DOP1A: variants seen among roughly 807,000 people sequenced by gnomAD.
The protein encoded by DOP1A is protein DOP1A.
DOP1A carries 90 observed loss-of-function variants against 267.6 expected under a neutral mutation model. That is an observed-to-expected ratio of 0.34 (90% CI 0.28 to 0.40). The LOEUF is 0.40. DOP1A is among the 10% of genes least tolerant of loss of function. DOP1A has a pLI of 1.00. For missense variants in DOP1A, 2,437 were observed against 2,900.4 expected (o/e 0.84, Z 3.67); for synonymous variants, 932 against 999.1 (o/e 0.93, Z 1.27).
rs375249943 is a variant in DOP1A, at chr6:83,162,924, C to A, written c.7092+5C>A. The A allele has an allele frequency of 9.9e-6, 16 of 1,608,762 alleles. No homozygotes were observed. The highest frequency in any genetic ancestry group is 8.4e-5 in the Admixed American group (5 of 59,396). On this transcript the variant is annotated splice_donor_5th_base_variant and intron_variant, in intron 38 of 38. Coordinates refer to ENST00000349129, the MANE Select transcript of DOP1A (RefSeq NM_015018.4). ...CTTCTTCGGAAAAGAGCAAAGGTAT[C>A]GCATTCTTTTGTGATTGTTTTGTTT...
rs1409886569 is a variant in DOP1A at position 83,155,806 on chromosome 6, G to A, written c.6452-145G>A. 27 of 882,570 alleles carry A rather than the reference G, an allele frequency of 3.1e-5. No homozygotes were observed. In the East Asian group the frequency reaches 4.7e-4, roughly 15 times the overall value. 54.7% of individuals were successfully genotyped at this position (882,570 alleles called of 1,614,324 possible). A position where few individuals can be genotyped will look rare whatever the true frequency, so the allele number is the denominator to read the frequency against. ...ATACGTTGGATCTGTTTGCCAGCCT[G>A]TCTGCCCCAGAGAGGGGCATCAAGT... On this transcript the variant is annotated intron_variant, in intron 33 of 38. Transcript: ENST00000349129.
At chr6:83,166,093 G>T in intron 38 of DOP1A, 1 of 367,988 alleles carries the variant, frequency 2.7e-6, no homozygotes, top group Non-Finnish European at 4.9e-6. Flanking sequence ...ATAGAGAAAT[G>T]ATTCATTATT....
chr6:83,093,093 T>C (rs1226872992), intron 1 of DOP1A, among the ~76,000 whole-genome samples: 2 of 152,166 alleles, frequency 1.3e-5, no homozygotes, highest in Admixed American at 1.3e-4. Flanking sequence ...GCATCAAATA[T>C]CAAGTTTTAA....
Position 83,145,610 on chromosome 6 carries a change from G to C in DOP1A, c.5628G>C (p.Gln1876His). The C allele has an allele frequency of 6.2e-7, 1 of 1,613,568 alleles. No homozygotes were observed. Among genetic ancestry groups the C allele is most frequent in the Non-Finnish European group, 8.5e-7 (1 of 1,179,748 alleles). The change falls in exon 25 of 39, where the codon CAG (glutamine) becomes CAC (histidine). Residue 1876 changes from glutamine (Q) to histidine (H), a missense_variant. Gln to His is a conservative substitution (Grantham distance 24). Around this residue, in one of 9 missense-constraint regions of DOP1A, gnomAD observed 307 missense variants for 308.6 expected, o/e 0.99. Transcript: ENST00000349129. Reference sequence around the variant, plus strand: ...TCATGAGAGCAGAAACTGTTATCCAGACTGTAAAAGAAGTTTTAAAGCAGC... The same window carrying C: ...TCATGAGAGCAGAAACTGTTATCCACACTGTAAAAGAAGTTTTAAAGCAGC... ...ISVMRAETVIQTVKEVLKQPP... is the reference protein window; with the variant it reads ...ISVMRAETVIHTVKEVLKQPP...
At chr6:83,114,577 T>G (rs1775097854) in intron 7 of DOP1A, among the ~76,000 whole-genome samples, 1 of 152,222 alleles carries the variant, frequency 6.6e-6, no homozygotes, top group South Asian at 2.1e-4. Context: ...CTCTTGAACT[T>G]TTCCCATTGC....
chr6:83,081,807 A>G (rs1768123389), intron 1 of DOP1A, among the ~76,000 whole-genome samples: 2 of 152,238 alleles, frequency 1.3e-5, no homozygotes, highest in Admixed American at 1.3e-4. Context: ...ATAAGGGGTT[A>G]ATATCTAAAA....
At chr6:83,132,585 GAC>G (rs1182321516) in intron 18 of DOP1A, among the ~76,000 whole-genome samples, 2 of 152,098 alleles carry the variant, frequency 1.3e-5, no homozygotes, top group Admixed American at 1.3e-4. Context: ...CTTTGTTCAA[GAC>G]ACAGTTATGG....
Position 83,067,708 on chromosome 6 carries a change from T to C in DOP1A, c.-218T>C, listed in dbSNP as rs984441747. The C allele has an allele frequency of 2.7e-5, 4 of 150,042 alleles. No individual in the cohort carries two copies. 9.3% of individuals were successfully genotyped at this position (150,042 alleles called of 1,614,324 possible). On this transcript the variant is annotated 5_prime_UTR_variant, in exon 1 of 39. Coordinates refer to ENST00000349129, the MANE Select transcript of DOP1A (RefSeq NM_015018.4). ...GGGAGCTGTCACTAGGCCCTTCGGC[T>C]CCCGGTCTCGGTGTAGCTGCCGTGG... is the stretch of plus-strand genomic sequence containing the variant.
At chr6:83,086,068 T>G (rs1377483082) in intron 1 of DOP1A, among the ~76,000 whole-genome samples, 1 of 152,096 alleles carries the variant, frequency 6.6e-6, no homozygotes, top group African/African-American at 2.4e-5. Flanking sequence ...GCTATAGGAC[T>G]ATAGGAGATA....
intron 18 of DOP1A, among the ~76,000 whole-genome samples, chr6:83,133,887 CT>C (rs1778467054): frequency 6.6e-6 from 1 of 151,894 alleles, no homozygotes; most frequent in Non-Finnish European, 1.5e-5. Context: ...ACATTAGTAA[CT>C]TTTTTCTCCT....
At chr6:83,129,987 T>C in intron 16 of DOP1A, 136 bp from the exon 17 acceptor site, 1 of 1,013,552 alleles carries the variant, frequency 9.9e-7, no homozygotes, top group Non-Finnish European at 1.4e-6. Context: ...AGCTCTAGAC[T>C]AGGTGAGAAA....
At position 83,152,019 on chromosome 6, in the gene DOP1A, A is replaced by T. The variant is rs572835453; in HGVS notation, c.6041A>T (p.Asp2014Val). The T allele has an allele frequency of 6.2e-7, 1 of 1,613,864 alleles. No homozygotes were observed. Among genetic ancestry groups the T allele is most frequent in the African/African-American group, 1.3e-5 (1 of 75,020 alleles). The change falls in exon 29 of 39, where the codon GAT becomes GTT. Residue 2014 changes from aspartate to valine, a missense_variant. Physicochemically the swap from Asp to Val is radical, Grantham distance 152. Transcript: ENST00000349129. ...IMVDGTNLES[D>V]VEDMLSPAME... ...GTAGATGGAACCAATTTGGAATCTG[A>T]TGTTGAAGGTATTCTTGTCAAACAT...
At chr6:83,078,050 T>G (rs1164518578) in intron 1 of DOP1A, among the ~76,000 whole-genome samples, 2 of 152,180 alleles carry the variant, frequency 1.3e-5, no homozygotes, top group African/African-American at 4.8e-5. Flanking sequence ...ACATAGCATT[T>G]TGAGTTTGAG....
intron 1 of DOP1A, among the ~76,000 whole-genome samples, chr6:83,068,455 TTAAGC>T (rs1582811253): frequency 6.6e-6 from 1 of 152,238 alleles, no homozygotes; most frequent in African/African-American, 2.4e-5. Context: ...ACTATTTTTC[TTAAGC>T]TAAGTAAATT....
Position 83,138,673 on chromosome 6 carries a change from G to C in DOP1A, c.4631G>C (p.Ser1544Thr), listed in dbSNP as rs752296855. 5.6e-6 allele frequency: 9 copies of C among 1,613,930 alleles called. No individual in the cohort carries two copies. The South Asian group carries it at 7.7e-5, about 14-fold the overall frequency. The change falls in exon 21 of 39, where the codon AGT (serine) becomes ACT (threonine). Residue 1544 changes from serine to threonine, a missense_variant. Around this residue, in one of 9 missense-constraint regions of DOP1A, gnomAD observed 878 missense variants for 992.9 expected, o/e 0.88. Transcript: ENST00000349129. The stretch of plus-strand genomic sequence containing the variant: ...ATCTTTAGTGCTCAGAAATGGCATA[G>C]TGAAAAAATGGCAGGTAAGAACCTG... ...SSIFSAQKWHSEKMAGKNLVA... is the reference protein window; with the variant it reads ...SSIFSAQKWHTEKMAGKNLVA...
At chr6:83,118,141 T>A (rs549069303) in intron 7 of DOP1A, among the ~76,000 whole-genome samples, 2 of 152,308 alleles carry the variant, frequency 1.3e-5, no homozygotes, top group East Asian at 3.9e-4. Context: ...GTTTCCACAT[T>A]ATCATCTAAT....
chr6:83,160,237 A>G (rs1783915139), intron 37 of DOP1A, among the ~76,000 whole-genome samples: 1 of 152,214 alleles, frequency 6.6e-6, no homozygotes, highest in African/African-American at 2.4e-5. Flanking sequence ...ACATACTCAT[A>G]CTATGGTGGC....
chr6:83,086,940 C>A (rs1306096376), intron 1 of DOP1A, among the ~76,000 whole-genome samples: 2 of 150,230 alleles, frequency 1.3e-5, no homozygotes, highest in East Asian at 4.0e-4. Flanking sequence ...AGTTTTAGAC[C>A]ATGAGAGATT....
Position 83,156,185 on chromosome 6 carries a change from G to A in DOP1A, c.6604+82G>A, listed in dbSNP as rs1782745002. On this transcript the variant is annotated intron_variant, in intron 34 of 38. Transcript: ENST00000349129. The stretch of plus-strand genomic sequence containing the variant: ...AAAATACTTCTCTAAATACTAAGTT[G>A]GGGTAAAATATATCAAGTGTAGATC... 5 of 1,147,862 alleles carry A rather than the reference G, an allele frequency of 4.4e-6. No homozygotes were observed. The Admixed American group carries it at 1.1e-4, about 25-fold the overall frequency. The allele number at this position is 1,147,862 out of a possible 1,614,324, so 71.1% of individuals were successfully genotyped here.
Sources: allele counts gnomAD v4.1 joint callset (sites outside exome capture counted in the v4.1 genomes callset), GRCh38; gene constraint gnomAD v4.1.1; regional missense constraint gnomAD v4.1.1; transcripts MANE v1.5; gene names NCBI Gene and HGNC (gene_info 2026-07-23, HGNC 2026-07-21).